The following ENOX1 variants were observed in gnomAD, a reference collection of about 807,000 sequenced individuals.
ENOX1 encodes the protein candidate growth-related and time keeping constitutive hydroquinone (NADH) oxidase.
Under a neutral mutation model 82.5 loss-of-function variants are expected in ENOX1, and 42 were observed. That is an observed-to-expected ratio of 0.51 (90% CI 0.40 to 0.66). ENOX1 has a LOEUF of 0.66. Ranked by LOEUF, ENOX1 falls within the 30% of genes least tolerant of loss-of-function variation. The pLI is 0.00. For missense variants in ENOX1, 608 were observed against 811.6 expected, an observed-to-expected ratio of 0.75 and a Z score of 3.05; for synonymous variants, 271 against 282.2, an observed-to-expected ratio of 0.96 and a Z score of 0.40.
intron 16 of ENOX1, among the ~76,000 whole-genome samples, chr13:43,216,503 G>A (rs539518603): frequency 6.6e-6 from 1 of 152,142 alleles, no homozygotes; most frequent in African/African-American, 2.4e-5. Context: ...GTTTTTCATA[G>A]GTCCAGGAGG....
At chr13:43,494,103 G>A (rs1282898692) in intron 2 of ENOX1, among the ~76,000 whole-genome samples, 1 of 152,044 alleles carries the variant, frequency 6.6e-6, no homozygotes, top group Non-Finnish European at 1.5e-5. Context: ...CCTCCATCTG[G>A]TCTCTCCCTT....
At chr13:43,764,000 T>A (rs755693507) in intron 1 of ENOX1, among the ~76,000 whole-genome samples, 3 of 152,228 alleles carry the variant, frequency 2.0e-5, no homozygotes, top group African/African-American at 4.8e-5. Context: ...GGAGATTCCA[T>A]GGCTTTTCAC....
intron 1 of ENOX1, among the ~76,000 whole-genome samples, chr13:43,730,898 G>A (rs761631007): frequency 1.1e-4 from 16 of 152,118 alleles, no homozygotes; most frequent in South Asian, 6.2e-4. Flanking sequence ...CCTGTCATCT[G>A]GGATAGTCTA....
intron 2 of ENOX1, among the ~76,000 whole-genome samples, chr13:43,519,553 T>G (rs1009253593): frequency 6.6e-6 from 1 of 152,098 alleles, no homozygotes; most frequent in African/African-American, 2.4e-5. Context: ...TAGCTAGCTC[T>G]GAGGATGTGG....
chr13:43,283,503 G>A (rs948240797), intron 12 of ENOX1, among the ~76,000 whole-genome samples: 8 of 151,988 alleles, frequency 5.3e-5, no homozygotes, highest in Non-Finnish European at 1.2e-4. Context: ...AGAATACAGC[G>A]GTGTAATCAT....
chr13:43,387,647 T>A (rs993865352), intron 5 of ENOX1, among the ~76,000 whole-genome samples: 6 of 152,082 alleles, frequency 3.9e-5, no homozygotes, highest in Admixed American at 2.0e-4. Context: ...CTCTGTAGTT[T>A]TAATTTTATT....
intron 2 of ENOX1, among the ~76,000 whole-genome samples, chr13:43,657,118 C>G (rs1368743508): frequency 6.6e-6 from 1 of 152,146 alleles, no homozygotes; most frequent in Non-Finnish European, 1.5e-5. Context: ...GTCATCTCAT[C>G]TCATAAAAAC....
chr13:43,702,468 T>C (rs1205631011), intron 1 of ENOX1, among the ~76,000 whole-genome samples: 1 of 152,220 alleles, frequency 6.6e-6, no homozygotes, highest in East Asian at 1.9e-4. Context: ...GGAAAACTAC[T>C]GGCAGGCAAA....
chr13:43,314,148 G>T (rs1026728509), intron 11 of ENOX1, among the ~76,000 whole-genome samples: 5 of 152,184 alleles, frequency 3.3e-5, no homozygotes, highest in African/African-American at 4.8e-5. Flanking sequence ...CACACATTGT[G>T]TCCTGGAACT....
intron 16 of ENOX1, among the ~76,000 whole-genome samples, chr13:43,221,259 A>G (rs966328016): frequency 2.0e-5 from 3 of 152,222 alleles, no homozygotes; most frequent in East Asian, 3.8e-4. Context: ...CCTAAAGGAT[A>G]TATAAACAGG....
intron 2 of ENOX1, among the ~76,000 whole-genome samples, chr13:43,505,183 A>T (rs2077110694): frequency 6.6e-6 from 1 of 151,946 alleles, no homozygotes; most frequent in African/African-American, 2.4e-5. Context: ...ATCGGATCAC[A>T]TCAACTTATT....
At chr13:43,701,389 C>T (rs945403933) in intron 1 of ENOX1, among the ~76,000 whole-genome samples, 1 of 152,136 alleles carries the variant, frequency 6.6e-6, no homozygotes, top group African/African-American at 2.4e-5. Flanking sequence ...GCTGGGTGCA[C>T]ACGGTTACAA....
At chr13:43,771,696 G>A (rs1341130825) in intron 1 of ENOX1, among the ~76,000 whole-genome samples, 1 of 152,042 alleles carries the variant, frequency 6.6e-6, no homozygotes. Context: ...TTTTTTACCA[G>A]AGTTTGTAGA....
At chr13:43,422,111 G>A (rs924499301) in intron 3 of ENOX1, among the ~76,000 whole-genome samples, 1 of 151,974 alleles carries the variant, frequency 6.6e-6, no homozygotes, top group African/African-American at 2.4e-5. Flanking sequence ...AATTCAAAGT[G>A]TCAAAGAATG....
chr13:43,636,120 G>A (rs961859669), intron 2 of ENOX1, among the ~76,000 whole-genome samples: 4 of 152,062 alleles, frequency 2.6e-5, no homozygotes, highest in African/African-American at 4.8e-5. Flanking sequence ...GGAGAACTCG[G>A]GCACAGAAGT....
chr13:43,240,724 A>G (rs1309358044), intron 14 of ENOX1, among the ~76,000 whole-genome samples: 1 of 152,180 alleles, frequency 6.6e-6, no homozygotes, highest in Non-Finnish European at 1.5e-5. Flanking sequence ...GCATCTTGTC[A>G]AAATATTTTG....
intron 5 of ENOX1, among the ~76,000 whole-genome samples, chr13:43,385,903 T>C (rs1488875442): frequency 2.0e-5 from 3 of 152,164 alleles, no homozygotes; most frequent in African/African-American, 4.8e-5. Flanking sequence ...CCGTGGCCCA[T>C]ACCTGTAATC....
chr13:43,393,445 C>T (rs2052926543), intron 5 of ENOX1, among the ~76,000 whole-genome samples: 1 of 152,032 alleles, frequency 6.6e-6, no homozygotes, highest in Non-Finnish European at 1.5e-5. Context: ...TATTGAATAT[C>T]AATGCATAAC....
chr13:43,227,002 T>A (rs2042055971), intron 15 of ENOX1, among the ~76,000 whole-genome samples: 1 of 150,650 alleles, frequency 6.6e-6, no homozygotes, highest in African/African-American at 2.5e-5. Context: ...TATTTAATAT[T>A]CCCCCTGGCC....
Sources: gnomAD v4.1 joint callset for allele counts (sites outside exome capture counted in the v4.1 genomes callset) on GRCh38, gnomAD v4.1.1 for gene constraint, MANE v1.5 for transcripts, NCBI Gene and HGNC (gene_info 2026-07-23, HGNC 2026-07-21) for gene names.